Variants in CDC20B observed in about 807,000 individuals in gnomAD.
The protein encoded by CDC20B is cell division cycle protein 20 homolog B.
Under a neutral mutation model 64.1 loss-of-function variants are expected in CDC20B, and 58 were observed. The observed-to-expected ratio is 0.90, with a 90% confidence interval of 0.73 to 1.13. CDC20B has a LOEUF of 1.13. Among genes scored for constraint, CDC20B ranks in the 50% most tolerant of loss-of-function variants. The pLI is 0.00. For synonymous variants in CDC20B, 243 were observed against 230.6 expected (o/e 1.05, Z -0.49); for missense variants, 597 against 633.0 (o/e 0.94, Z 0.61).
chr5:55,153,191 A>T (rs1427867126), intron 2 of CDC20B, among the ~76,000 whole-genome samples: 1 of 144,568 alleles, frequency 6.9e-6, no homozygotes, highest in Non-Finnish European at 1.5e-5. Context: ...GTGAGCCAAG[A>T]TCGTGCTACT....
rs1222993481 is a variant in CDC20B, at chr5:55,119,823, C to T, written c.1437G>A (p.Val479=). 6.2e-7 allele frequency: 1 copy of T among 1,613,630 alleles called. No homozygotes were observed. The highest frequency in any genetic ancestry group is 2.2e-5 in the East Asian group (1 of 44,882). ...NDVTVWTCPT[V]SRSGGFFGHR... Reference sequence around the variant, plus strand: ...TACCAAAAAACCCACCTGACCTGGACACAGTGGGACAGGTCCACACAGTCA... The same window carrying T: ...TACCAAAAAACCCACCTGACCTGGATACAGTGGGACAGGTCCACACAGTCA... The change falls in exon 11 of 12, where the codon GTG becomes GTA. Residue 479 remains valine, a synonymous_variant. Coordinates refer to ENST00000381375, the MANE Select transcript of CDC20B (RefSeq NM_001170402.1).
intron 9 of CDC20B, among the ~76,000 whole-genome samples, chr5:55,123,123 G>T (rs1742797183): frequency 1.3e-5 from 2 of 152,178 alleles, no homozygotes; most frequent in Non-Finnish European, 2.9e-5. Flanking sequence ...TCAAAGTAGA[G>T]GTCTTGGTCT....
intron 9 of CDC20B, 80 bp from the exon 10 acceptor site, chr5:55,120,630 A>G: frequency 1.3e-6 from 2 of 1,557,812 alleles, no homozygotes; most frequent in Non-Finnish European, 1.8e-6. Context: ...TTAGGTAAGC[A>G]GCAAGTCCCC....
chr5:55,128,418 T>C lies in CDC20B; in HGVS notation c.894+3A>G, dbSNP rs1209783655. On this transcript the variant is annotated splice_donor_region_variant and intron_variant, in intron 7 of 11. Transcript: ENST00000381375. Reference sequence around the variant, plus strand: ...GATGAGAAAAAAAAAAACTGGCCAGTACTTGCACTTCTCCCTCGCTGGTGC... The same window carrying C: ...GATGAGAAAAAAAAAAACTGGCCAGCACTTGCACTTCTCCCTCGCTGGTGC... 1.3e-6 allele frequency: 2 copies of C among 1,595,012 alleles called. No homozygotes were observed. Among genetic ancestry groups the C allele is most frequent in the Non-Finnish European group, 1.7e-6 (2 of 1,173,510 alleles).
At chr5:55,166,215 C>G (rs1744376952) in intron 2 of CDC20B, 1 of 152,386 alleles carries the variant, frequency 6.6e-6, no homozygotes, top group Non-Finnish European at 1.5e-5. Context: ...AGACTCCCCA[C>G]TGCCAGATGG....
rs912095325 is a variant in CDC20B, at chr5:55,112,996, A to T, written c.*1222T>A. The stretch of plus-strand genomic sequence containing the variant: ...CAAACAGTAATAAAAGATTTTTTTA[A>T]ACAGCTATAATAGTATAATAATACC... On this transcript the variant is annotated 3_prime_UTR_variant, in exon 12 of 12. Coordinates refer to ENST00000381375, the MANE Select transcript of CDC20B (RefSeq NM_001170402.1). 2.6e-5 allele frequency: 4 copies of T among 152,220 alleles called. No individual in the cohort carries two copies. The highest frequency in any genetic ancestry group is 1.3e-4 in the Admixed American group (2 of 15,278). The allele number at this position is 152,220 out of a possible 1,614,324, so 9.4% of individuals were successfully genotyped here.
At chr5:55,141,969 T>C (rs959676136) in intron 4 of CDC20B, among the ~76,000 whole-genome samples, 3 of 152,166 alleles carry the variant, frequency 2.0e-5, no homozygotes, top group African/African-American at 7.2e-5. Flanking sequence ...TGAGAACCGT[T>C]AGTATAAAAT....
intron 4 of CDC20B, 98 bp downstream of exon 4, chr5:55,143,415 A>C (rs1321487828): frequency 8.1e-7 from 1 of 1,238,196 alleles, no homozygotes; most frequent in Non-Finnish European, 1.1e-6. Flanking sequence ...TTTCTTATTG[A>C]TTGGTAAGAG....
chr5:55,160,378 G>C (rs996685724), intron 2 of CDC20B: 1 of 1,612,158 alleles, frequency 6.2e-7, no homozygotes, highest in Non-Finnish European at 8.5e-7. Flanking sequence ...CTGTTTCTCT[G>C]GAAAAGTATA....
chr5:55,154,242 C>T (rs1291250107), intron 2 of CDC20B, among the ~76,000 whole-genome samples: 3 of 152,134 alleles, frequency 2.0e-5, no homozygotes, highest in Non-Finnish European at 2.9e-5. Context: ...AAGGGTCTGG[C>T]GCAGTGGCTT....
intron 5 of CDC20B, among the ~76,000 whole-genome samples, chr5:55,139,745 T>G (rs1386599373): frequency 6.6e-6 from 1 of 152,054 alleles, no homozygotes; most frequent in Non-Finnish European, 1.5e-5. Context: ...GGAAGAGAAC[T>G]AAATTCTTAT....
At chr5:55,154,931 C>T (rs1743768353) in intron 2 of CDC20B, among the ~76,000 whole-genome samples, 1 of 152,296 alleles carries the variant, frequency 6.6e-6, no homozygotes, top group African/African-American at 2.4e-5. Context: ...AGAGGTGGTA[C>T]TCCTTCAATG....
chr5:55,124,849 G>C lies in CDC20B; in HGVS notation c.1169C>G (p.Ala390Gly). The C allele has an allele frequency of 6.2e-7, 1 of 1,614,174 alleles. No individual in the cohort carries two copies. The highest frequency in any genetic ancestry group is 8.5e-7 in the Non-Finnish European group (1 of 1,180,010). The change falls in exon 9 of 12, where the codon GCA becomes GGA. Residue 390 changes from alanine to glycine, a missense_variant. Physicochemically the swap from Ala to Gly is moderately conservative, Grantham distance 60. Around this residue, in one of 3 missense-constraint regions of CDC20B, gnomAD observed 353 missense variants for 397.0 expected, o/e 0.89. Coordinates refer to ENST00000381375, the MANE Select transcript of CDC20B (RefSeq NM_001170402.1). ...TIWPHDPGASAQGQPLKVITQ... is the reference protein window; with the variant it reads ...TIWPHDPGASGQGQPLKVITQ... ...TATGACTTTCAGCGGTTGGCCCTGT[G>C]CACTGGCACCTGGATCGTGGGGCCA... is the stretch of plus-strand genomic sequence containing the variant.
intron 5 of CDC20B, among the ~76,000 whole-genome samples, chr5:55,139,019 T>A (rs113758505): frequency 2.0e-5 from 3 of 150,514 alleles, no homozygotes; most frequent in Non-Finnish European, 4.4e-5. Context: ...TCTCCAAGAA[T>A]GAAAATATCC....
At position 55,165,941 on chromosome 5, in the gene CDC20B, G is replaced by A. The variant is rs78932953; in HGVS notation, c.126+6647C>T. Reference sequence around the variant, plus strand: ...ATCAGAACTAACCTGGATTGTTAGCGAAGAAAACAGAAGCCACCAACAAGC... The same window carrying A: ...ATCAGAACTAACCTGGATTGTTAGCAAAGAAAACAGAAGCCACCAACAAGC... On this transcript the variant is annotated intron_variant, in intron 2 of 11. Coordinates refer to ENST00000381375, the MANE Select transcript of CDC20B (RefSeq NM_001170402.1). 13 of 152,296 alleles carry A rather than the reference G, an allele frequency of 8.5e-5. 1 individual carries two copies. In the East Asian group the frequency reaches 1.3e-3, roughly 16 times the overall value. The allele number at this position is 152,296 out of a possible 1,614,324, so 9.4% of individuals were successfully genotyped here.
intron 11 of CDC20B, among the ~76,000 whole-genome samples, chr5:55,117,962 C>T (rs1264341677): frequency 2.0e-5 from 3 of 151,692 alleles, no homozygotes; most frequent in Non-Finnish European, 2.9e-5. Context: ...TAAAAATACA[C>T]ACAAAAATTA....
At chr5:55,130,941 G>T (rs1743012911) in intron 6 of CDC20B, among the ~76,000 whole-genome samples, 1 of 152,106 alleles carries the variant, frequency 6.6e-6, no homozygotes, top group Admixed American at 6.6e-5. Context: ...GAGGAGTAAA[G>T]TAAGACCCCA....
At chr5:55,142,304 AC>A (rs145527631) in intron 4 of CDC20B, among the ~76,000 whole-genome samples, 18,754 of 152,122 alleles carry the variant, frequency 0.12, 1,329 homozygotes, top group East Asian at 0.26. Context: ...TTGAGTCTTC[AC>A]CACTCTCGAT....
At chr5:55,142,745 CAT>C (rs144021850) in intron 4 of CDC20B, among the ~76,000 whole-genome samples, 3,854 of 152,218 alleles carry the variant, frequency 0.025, 185 homozygotes, top group African/African-American at 0.088. Flanking sequence ...CTTCCAATTG[CAT>C]ATGAGTTCAG....
Sources: allele counts gnomAD v4.1 joint callset (sites outside exome capture counted in the v4.1 genomes callset), GRCh38; gene constraint gnomAD v4.1.1; regional missense constraint gnomAD v4.1.1; transcripts MANE v1.5; gene names NCBI Gene and HGNC (gene_info 2026-07-23, HGNC 2026-07-21).